USP30: variants seen among roughly 807,000 people sequenced by gnomAD.
USP30 encodes the protein ubiquitin specific peptidase 30.
USP30 carries 41 observed loss-of-function variants against 68.2 expected under a neutral mutation model. The ratio of observed to expected loss-of-function variants is 0.60; its 90% CI spans 0.47 to 0.78. The LOEUF (loss-of-function observed/expected upper bound fraction) is 0.78, where lower values mean the gene tolerates loss of function less well. USP30 is among the 30% of genes least tolerant of loss of function. USP30 has a pLI of 0.00. For synonymous variants in USP30, 229 were observed against 253.7 expected (o/e 0.90, Z 0.93); for missense variants, 522 against 649.4 (o/e 0.80, Z 2.13).
chr12:109,028,023 G>T (rs1332884037), intron 3 of USP30, among the ~76,000 whole-genome samples: 1 of 152,186 alleles, frequency 6.6e-6, no homozygotes, highest in African/African-American at 2.4e-5. Flanking sequence ...AATGCACAAG[G>T]ATTCCAATTT....
chr12:109,049,685 C>T (rs953493044), upstream of USP30, among the ~76,000 whole-genome samples: 4 of 152,168 alleles, frequency 2.6e-5, no homozygotes, highest in East Asian at 1.9e-4. Context: ...CATGGTGGCG[C>T]GTGCCTGTAA....
Position 109,052,756 on chromosome 12 carries a change from C to G in USP30, c.78C>G (p.Ala26=). ...AIQRFLRTGA[A]VRYKVMKNWG... Reference sequence around the variant, plus strand: ...AGCGCTTCCTGCGGACCGGGGCGGCCGTCAGGTGAGATTTTGGGGGGCGGG... The same window carrying G: ...AGCGCTTCCTGCGGACCGGGGCGGCGGTCAGGTGAGATTTTGGGGGGCGGG... The change falls in exon 1 of 13, where the codon GCC becomes GCG. Residue 26 remains alanine, a synonymous_variant. Coordinates refer to ENST00000257548, the MANE Select transcript of USP30 (RefSeq NM_032663.5). The G allele has an allele frequency of 1.4e-6, 2 of 1,451,052 alleles. No homozygotes were observed. The highest frequency in any genetic ancestry group is 1.9e-4 in the Middle Eastern group (1 of 5,186). 89.9% of individuals were successfully genotyped at this position (1,451,052 alleles called of 1,614,324 possible). A position where few individuals can be genotyped will look rare whatever the true frequency, so the allele number is the denominator to read the frequency against.
chr12:109,081,410 G>C lies in USP30; in HGVS notation c.780+17G>C. On this transcript the variant is annotated intron_variant, in intron 8 of 12. Transcript: ENST00000257548. ...GCCACATGGGTATGTACTGATTTAT[G>C]GTTTATTTGGAGTCTGTTTCAGAAA... is the stretch of plus-strand genomic sequence containing the variant. The C allele has an allele frequency of 6.2e-7, 1 of 1,612,904 alleles. No individual in the cohort carries two copies. The highest frequency in any genetic ancestry group is 1.1e-5 in the South Asian group (1 of 90,796).
chr12:109,086,214 G>C lies in USP30; in HGVS notation c.*283G>C. On this transcript the variant is annotated 3_prime_UTR_variant, in exon 13 of 13. Transcript: ENST00000257548. ...TGATACAGGTAATTAAAAGAACTCA[G>C]ATTCTTGAAGCCACCGTTTTCATAT... 1 of 328,506 alleles carries C rather than the reference G, an allele frequency of 3.0e-6. No homozygotes were observed. Among genetic ancestry groups the C allele is most frequent in the South Asian group, 8.2e-5 (1 of 12,198 alleles). The allele number at this position is 328,506 out of a possible 1,614,324, so 20.3% of individuals were successfully genotyped here.
intron 3 of USP30, among the ~76,000 whole-genome samples, chr12:109,061,806 T>C (rs1197102026): frequency 6.6e-6 from 1 of 152,218 alleles, no homozygotes; most frequent in African/African-American, 2.4e-5. Context: ...CCTTTATCAA[T>C]ACTCAACCCT....
At chr12:109,050,596 T>C (rs1170533194), upstream of USP30, among the ~76,000 whole-genome samples, 4 of 152,200 alleles carry the variant, frequency 2.6e-5, no homozygotes, top group Non-Finnish European at 5.9e-5. Flanking sequence ...GGAAAAATCT[T>C]GCTGGCTCTA....
At chr12:109,025,736 A>G (rs1485695793) in intron 2 of USP30, among the ~76,000 whole-genome samples, 2 of 151,778 alleles carry the variant, frequency 1.3e-5, no homozygotes, top group Non-Finnish European at 2.9e-5. Context: ...CAGTGGTGTG[A>G]TCACAGCTCA....
chr12:109,063,825 C>G lies in USP30; in HGVS notation c.377-3699C>G, dbSNP rs74397199. 3.5e-3 allele frequency among the ~76,000 whole-genome samples: 525 copies of G among 148,050 alleles called. 5 individuals are homozygous for G. The highest frequency in any genetic ancestry group is 0.012 in the African/African-American group (499 of 40,426). On this transcript the variant is annotated intron_variant, in intron 3 of 12. Coordinates refer to ENST00000257548, the MANE Select transcript of USP30 (RefSeq NM_032663.5). Reference sequence around the variant, plus strand: ...TTTGCTTATTGGCCATTTTGTCTATCTTTTTGGGAGAAATGTCTGTTCAAG... The same window carrying G: ...TTTGCTTATTGGCCATTTTGTCTATGTTTTTGGGAGAAATGTCTGTTCAAG...
chr12:109,062,076 A>G lies in USP30; in HGVS notation c.376+3968A>G, dbSNP rs1054876926. 7.2e-5 allele frequency among the ~76,000 whole-genome samples: 11 copies of G among 152,040 alleles called. 1 individual carries two copies. The highest frequency in any genetic ancestry group is 7.2e-4 in the Admixed American group (11 of 15,258). ...CAGCTTCCCAAGTAGCTGGGACTAC[A>G]GGTGCGTGCTGCCACACCTGGCTAA... On this transcript the variant is annotated intron_variant, in intron 3 of 12. Coordinates refer to ENST00000257548, the MANE Select transcript of USP30 (RefSeq NM_032663.5).
At chr12:109,027,303 G>A (rs1189694063) in intron 2 of USP30, among the ~76,000 whole-genome samples, 2 of 152,098 alleles carry the variant, frequency 1.3e-5, no homozygotes, top group East Asian at 3.8e-4. Flanking sequence ...TTTAGAGACA[G>A]GGTCTCACTC....
chr12:109,068,163 G>A (rs1024268707), intron 4 of USP30, among the ~76,000 whole-genome samples: 2 of 152,006 alleles, frequency 1.3e-5, no homozygotes, highest in Admixed American at 6.6e-5. Context: ...CCTCCTCCCC[G>A]CCAGACCGCT....
intron 7 of USP30, among the ~76,000 whole-genome samples, chr12:109,079,216 G>A (rs1269332510): frequency 6.6e-6 from 1 of 151,326 alleles, no homozygotes; most frequent in Non-Finnish European, 1.5e-5. Context: ...TTGGCCCACA[G>A]GTCACTGAGG....
At chr12:109,042,850 C>G (rs1325146347) in intron 3 of USP30, among the ~76,000 whole-genome samples, 1 of 151,974 alleles carries the variant, frequency 6.6e-6, no homozygotes, top group Non-Finnish European at 1.5e-5. Flanking sequence ...ATGCAGAAAA[C>G]CTTAAAGAGT....
intron 2 of USP30, 135 bp from the exon 3 acceptor site, chr12:109,057,791 T>A: frequency 2.0e-6 from 2 of 984,934 alleles, no homozygotes; most frequent in Non-Finnish European, 3.0e-6. Flanking sequence ...TGGCCCCAGA[T>A]CTCTGTGGAT....
At chr12:109,033,590 A>T (rs2040497393) in intron 3 of USP30, among the ~76,000 whole-genome samples, 1 of 152,176 alleles carries the variant, frequency 6.6e-6, no homozygotes, top group African/African-American at 2.4e-5. Flanking sequence ...GACAAGAATG[A>T]CCAAATTTGT....
chr12:109,077,019 A>G (rs1243757345), intron 7 of USP30, among the ~76,000 whole-genome samples: 2 of 152,208 alleles, frequency 1.3e-5, no homozygotes, highest in African/African-American at 4.8e-5. Context: ...GGCATGAGCC[A>G]CTGTGCCCAG....
upstream of USP30, among the ~76,000 whole-genome samples, chr12:109,051,216 A>G (rs536435426): frequency 6.7e-6 from 1 of 149,122 alleles, no homozygotes; most frequent in Admixed American, 6.7e-5. Flanking sequence ...TGGGTCAAGG[A>G]AAAAATATGG....
Position 109,052,645 on chromosome 12 carries a change from G to T in USP30, c.-34G>T. 6.8e-7 allele frequency: 1 copy of T among 1,470,484 alleles called. No homozygotes were observed. The highest frequency in any genetic ancestry group is 8.9e-7 in the Non-Finnish European group (1 of 1,117,808). 91.1% of individuals were successfully genotyped at this position (1,470,484 alleles called of 1,614,324 possible). A position where few individuals can be genotyped will look rare whatever the true frequency, so the allele number is the denominator to read the frequency against. ...TCCGGCGGCGGCGGCGGCGGTAGCG[G>T]AGGAGACGGTTTCAGGCCTCCGGTG... is the stretch of plus-strand genomic sequence containing the variant. On this transcript the variant is annotated 5_prime_UTR_variant, in exon 1 of 13. Coordinates refer to ENST00000257548, the MANE Select transcript of USP30 (RefSeq NM_032663.5).
chr12:109,042,690 C>A (rs2040573385), intron 3 of USP30, among the ~76,000 whole-genome samples: 1 of 152,118 alleles, frequency 6.6e-6, no homozygotes, highest in South Asian at 2.1e-4. Flanking sequence ...AAATCAGGAA[C>A]AAGATAAGGA....
Sources: allele counts gnomAD v4.1 joint callset (sites outside exome capture counted in the v4.1 genomes callset), GRCh38; gene constraint gnomAD v4.1.1; transcripts MANE v1.5; gene names NCBI Gene and HGNC (gene_info 2026-07-23, HGNC 2026-07-21).